ASAP1: variants seen among roughly 807,000 people sequenced by gnomAD.
ASAP1 encodes the protein ArfGAP with SH3 domain, ankyrin repeat and PH domain 1.
Under a neutral mutation model 145.2 loss-of-function variants are expected in ASAP1, and 43 were observed. The observed-to-expected ratio is 0.30, with a 90% CI of 0.23 to 0.38. The LOEUF (loss-of-function observed/expected upper bound fraction) is 0.38. Ranked by LOEUF, ASAP1 falls within the 10% of genes least tolerant of loss-of-function variation. The pLI is 1.00. For missense variants in ASAP1, 1,018 were observed against 1,355.3 expected (o/e 0.75, Z 3.91); for synonymous variants, 546 against 515.5 (o/e 1.06, Z -0.80).
intron 5 of ASAP1, among the ~76,000 whole-genome samples, chr8:130,212,167 G>A (rs1440722545): frequency 6.6e-6 from 1 of 152,216 alleles, no homozygotes; most frequent in Non-Finnish European, 1.5e-5. Context: ...TCCTGGGACT[G>A]CCTTTTATTC....
intron 1 of ASAP1, among the ~76,000 whole-genome samples, chr8:130,441,471 G>C (rs1259291451): frequency 6.6e-6 from 1 of 152,196 alleles, no homozygotes; most frequent in African/African-American, 2.4e-5. Flanking sequence ...AAAAACGGCA[G>C]GGAAAAATGA....
At chr8:130,441,174 A>C (rs955501009) in intron 1 of ASAP1, among the ~76,000 whole-genome samples, 1 of 152,240 alleles carries the variant, frequency 6.6e-6, no homozygotes, top group Non-Finnish European at 1.5e-5. Context: ...TCATCTTTGC[A>C]GGACTGGCAC....
At chr8:130,156,791 G>T (rs1294436205) in intron 12 of ASAP1, among the ~76,000 whole-genome samples, 2 of 152,072 alleles carry the variant, frequency 1.3e-5, no homozygotes, top group Non-Finnish European at 2.9e-5. Flanking sequence ...CAGGCACCTG[G>T]GTGTGTGGCA....
intron 3 of ASAP1, among the ~76,000 whole-genome samples, chr8:130,276,728 A>ACACACACTCTCTCTCT (rs548512902): frequency 0.018 from 1,587 of 87,176 alleles, 30 homozygotes; most frequent in East Asian, 0.033. Flanking sequence ...ACACACACAC[A>ACACACACTCTCTCTCT]CTCTCTCTCT....
intron 9 of ASAP1, among the ~76,000 whole-genome samples, chr8:130,175,880 G>A (rs528258510): frequency 6.6e-6 from 1 of 151,970 alleles, no homozygotes; most frequent in African/African-American, 2.4e-5. Flanking sequence ...ATAAGCTCTC[G>A]GTAAATGTTA....
intron 2 of ASAP1, among the ~76,000 whole-genome samples, chr8:130,396,119 T>A (rs11784889): frequency 0.086 from 13,027 of 152,200 alleles, 619 homozygotes; most frequent in African/African-American, 0.14. Flanking sequence ...ACCCTGGCAC[T>A]TAGTAGGTCG....
chr8:130,241,012 G>A (rs1818493091), intron 3 of ASAP1, among the ~76,000 whole-genome samples: 1 of 152,064 alleles, frequency 6.6e-6, no homozygotes, highest in African/African-American at 2.4e-5. Context: ...GAGACTTTGA[G>A]GACAAGGAGG....
chr8:130,354,917 ACTC>A (rs1826215067), intron 3 of ASAP1, among the ~76,000 whole-genome samples: 1 of 152,086 alleles, frequency 6.6e-6, no homozygotes, highest in African/African-American at 2.4e-5. Context: ...ACGTAGCCTC[ACTC>A]TGTCGCCTAA....
At chr8:130,431,519 C>T (rs1830134084) in intron 1 of ASAP1, among the ~76,000 whole-genome samples, 1 of 152,200 alleles carries the variant, frequency 6.6e-6, no homozygotes, top group Non-Finnish European at 1.5e-5. Flanking sequence ...CTAGAATTTC[C>T]TTCCCTTCCT....
In ASAP1 at chr8:130,203,787, A is replaced by C. The variant is rs1018495665; in HGVS notation, c.405+10769T>G. On this transcript the variant is annotated intron_variant, in intron 5 of 29. Coordinates refer to ENST00000518721, the MANE Select transcript of ASAP1 (RefSeq NM_018482.4). The stretch of plus-strand genomic sequence containing the variant: ...TTTGCTGTTTGCAATGTACTTCCAG[A>C]TCTGGGCCTAAAGAAAGAGCTCTGG... Among the ~76,000 whole-genome samples, 42 of 152,314 alleles carry C rather than the reference A, an allele frequency of 2.8e-4. 1 individual carries two copies. The highest frequency in any genetic ancestry group is 8.9e-4 in the African/African-American group (37 of 41,578).
In ASAP1 at chr8:130,125,990, A is replaced by G; in HGVS notation, c.1481T>C (p.Leu494Ser). The change falls in exon 17 of 30, where the codon TTG becomes TCG. Residue 494 changes from leucine to serine, a missense_variant. By Grantham distance (145) the Leu-to-Ser change is moderately radical. Transcript: ENST00000518721. ...AGAAGTTCCTAATTTGTCTAGTTCCAAAGACTGAATGCGAGAAATATGAAC... is the reference window on the plus strand; with the variant it reads ...AGAAGTTCCTAATTTGTCTAGTTCCGAAGACTGAATGCGAGAAATATGAAC... ...MGVHISRIQSLELDKLGTSEL... is the reference protein window; with the variant it reads ...MGVHISRIQSSELDKLGTSEL... 1 of 1,613,990 alleles carries G rather than the reference A, an allele frequency of 6.2e-7. No homozygotes were observed. Among genetic ancestry groups the G allele is most frequent in the Non-Finnish European group, 8.5e-7 (1 of 1,179,954 alleles).
chr8:130,199,381 G>A (rs1815718815), intron 5 of ASAP1, among the ~76,000 whole-genome samples: 1 of 152,180 alleles, frequency 6.6e-6, no homozygotes, highest in African/African-American at 2.4e-5. Flanking sequence ...TATAGAACCT[G>A]AACCAGTTTT....
At chr8:130,165,512 T>C (rs1482496930) in intron 11 of ASAP1, among the ~76,000 whole-genome samples, 1 of 152,240 alleles carries the variant, frequency 6.6e-6, no homozygotes, top group African/African-American at 2.4e-5. Context: ...TCAAAGGGCA[T>C]GCATGGCATA....
In ASAP1 at chr8:130,179,313, C is replaced by A. The variant is rs1441057177; in HGVS notation, c.697G>T (p.Gly233Cys). 1 of 1,610,114 alleles carries A rather than the reference C, an allele frequency of 6.2e-7. No homozygotes were observed. Among genetic ancestry groups the A allele is most frequent in the African/African-American group, 1.3e-5 (1 of 74,940 alleles). The change falls in exon 9 of 30, where the codon GGT becomes TGT. Residue 233 changes from glycine (G) to cysteine (C), a missense_variant. Gly to Cys is a radical substitution (Grantham distance 159, BLOSUM62 -3). Transcript: ENST00000518721. ...IKVNEIKTKK[G>C]VDLLQNLIKY... ...ATAAGATTCTGCAGCAGATCCACAC[C>A]CTTTTTGGTCTTGATTTCATTAACT...
intron 1 of ASAP1, among the ~76,000 whole-genome samples, chr8:130,408,753 T>C (rs1212556592): frequency 2.6e-5 from 4 of 152,232 alleles, no homozygotes; most frequent in Non-Finnish European, 5.9e-5. Flanking sequence ...TGTGATTGTC[T>C]GAATTTTAGA....
In ASAP1 at chr8:130,424,459, T is replaced by C. The variant is rs146693929; in HGVS notation, c.-28+19001A>G. On this transcript the variant is annotated intron_variant, in intron 1 of 29. Coordinates refer to ENST00000518721, the MANE Select transcript of ASAP1 (RefSeq NM_018482.4). ...GCTGATTCAAACAGTAACAGCTCTC[T>C]GACTTTGCTCTTCCCTTCAAAAAGC... 1.2e-3 allele frequency among the ~76,000 whole-genome samples: 188 copies of C among 152,368 alleles called. 3 individuals are homozygous for C. The Middle Eastern group carries it at 0.02, about 17-fold the overall frequency.
At chr8:130,312,251 T>C (rs1219695656) in intron 3 of ASAP1, among the ~76,000 whole-genome samples, 1 of 150,108 alleles carries the variant, frequency 6.7e-6, no homozygotes, top group Non-Finnish European at 1.5e-5. Flanking sequence ...CCCTCCAGCC[T>C]GGGTGACAGA....
Position 130,053,081 on chromosome 8 carries a change from G to A in ASAP1, c.*1650C>T, listed in dbSNP as rs945870254. On this transcript the variant is annotated 3_prime_UTR_variant, in exon 30 of 30. Transcript: ENST00000518721. ...TTGTCATGCAAGGTTTATTTATTAGGTGGCTATTCAAAGTTTGTATAGCAA... is the reference window on the plus strand; with the variant it reads ...TTGTCATGCAAGGTTTATTTATTAGATGGCTATTCAAAGTTTGTATAGCAA... The A allele has an allele frequency of 2.6e-5, 4 of 152,248 alleles. No homozygotes were observed. The highest frequency in any genetic ancestry group is 3.4e-3 in the Middle Eastern group (1 of 294). 9.4% of individuals were successfully genotyped at this position (152,248 alleles called of 1,614,324 possible). A position where few individuals can be genotyped will look rare whatever the true frequency, so the allele number is the denominator to read the frequency against.
intron 24 of ASAP1, among the ~76,000 whole-genome samples, chr8:130,102,903 T>C (rs2097531120): frequency 6.6e-6 from 1 of 152,160 alleles, no homozygotes; most frequent in African/African-American, 2.4e-5. Flanking sequence ...GTTGCCCAGA[T>C]TGGTCTCAAA....
Sources: gnomAD v4.1 joint callset for allele counts (sites outside exome capture counted in the v4.1 genomes callset) on GRCh38, gnomAD v4.1.1 for gene constraint, MANE v1.5 for transcripts, NCBI Gene and HGNC (gene_info 2026-07-23, HGNC 2026-07-21) for gene names.